MYO5B: variants seen among roughly 807,000 people sequenced by gnomAD.
MYO5B encodes the protein unconventional myosin-Vb.
MYO5B carries 143 observed loss-of-function variants against 229.3 expected under a neutral mutation model. The ratio of observed to expected loss-of-function variants is 0.62; its 90% CI spans 0.54 to 0.72. MYO5B has a LOEUF of 0.72. Ranked by LOEUF, MYO5B falls within the 30% of genes least tolerant of loss-of-function variation. The probability of loss-of-function intolerance (pLI) is 0.00; values close to 1 mark genes in which losing one functional copy is unlikely to be tolerated. For synonymous variants in MYO5B, 918 were observed against 885.2 expected (o/e 1.04, Z -0.66); for missense variants, 2,321 against 2,331.0 (o/e 1.00, Z 0.09).
intron 10 of MYO5B, among the ~76,000 whole-genome samples, chr18:49,963,319 A>T (rs2025582473): frequency 6.6e-6 from 1 of 152,186 alleles, no homozygotes; most frequent in African/African-American, 2.4e-5. Context: ...ATTGACCACC[A>T]GTTATATCTT....
chr18:50,026,753 C>T (rs866443183), intron 4 of MYO5B, among the ~76,000 whole-genome samples: 8 of 152,188 alleles, frequency 5.3e-5, no homozygotes, highest in South Asian at 2.1e-4. Flanking sequence ...ATTCAGCAAA[C>T]CCTCACTCTG....
At chr18:50,160,302 C>T (rs1480886416) in intron 1 of MYO5B, among the ~76,000 whole-genome samples, 1 of 152,202 alleles carries the variant, frequency 6.6e-6, no homozygotes, top group African/African-American at 2.4e-5. Context: ...GGAGCAGACT[C>T]TCTAAGGTCA....
At chr18:50,050,721 C>T (rs2030368745) in intron 2 of MYO5B, among the ~76,000 whole-genome samples, 1 of 152,112 alleles carries the variant, frequency 6.6e-6, no homozygotes. Context: ...ACAACAGTGC[C>T]CAGCTGCCTT....
chr18:49,965,455 T>A (rs867995768), intron 10 of MYO5B, among the ~76,000 whole-genome samples: 1 of 147,098 alleles, frequency 6.8e-6, no homozygotes, highest in African/African-American at 2.5e-5. Context: ...ACACTTCTTT[T>A]CACACACACA....
At chr18:49,969,170 T>C (rs2025660281) in intron 10 of MYO5B, among the ~76,000 whole-genome samples, 1 of 152,198 alleles carries the variant, frequency 6.6e-6, no homozygotes, top group South Asian at 2.1e-4. Context: ...GCTGAGACAC[T>C]GTCACAGGCT....
intron 18 of MYO5B, among the ~76,000 whole-genome samples, chr18:49,911,637 A>G (rs1439800329): frequency 1.3e-5 from 2 of 152,232 alleles, no homozygotes; most frequent in African/African-American, 4.8e-5. Flanking sequence ...GAATAAATGC[A>G]AGTCTGATCA....
At position 50,109,829 on chromosome 18, in the gene MYO5B, C is replaced by T. The variant is rs530728973; in HGVS notation, c.28-54451G>A. Among the ~76,000 whole-genome samples, 197 of 152,270 alleles carry T rather than the reference C, an allele frequency of 1.3e-3. 7 individuals are homozygous for T. The South Asian group carries it at 0.039, about 30-fold the overall frequency. ...TACATACAATGCTCAGTATCCACCG[C>T]CCTCCATACTACAACATAAACACCC... On this transcript the variant is annotated intron_variant, in intron 1 of 39. Coordinates refer to ENST00000285039, the MANE Select transcript of MYO5B (RefSeq NM_001080467.3).
At chr18:49,945,759 G>A (rs563553910) in intron 14 of MYO5B, among the ~76,000 whole-genome samples, 1 of 68,822 alleles carries the variant, frequency 1.5e-5, no homozygotes, top group Non-Finnish European at 3.1e-5. Context: ...AGGAGGGGAG[G>A]AGGAGGAGGA....
intron 4 of MYO5B, among the ~76,000 whole-genome samples, chr18:50,005,632 G>C (rs1393207277): frequency 6.6e-6 from 1 of 152,108 alleles, no homozygotes; most frequent in African/African-American, 2.4e-5. Context: ...GCCCAGGCTG[G>C]TCTTGAACTC....
intron 4 of MYO5B, among the ~76,000 whole-genome samples, chr18:50,031,110 T>G (rs1303218618): frequency 6.6e-6 from 1 of 151,948 alleles, no homozygotes; most frequent in Non-Finnish European, 1.5e-5. Context: ...CAGACAAAAT[T>G]TAGAGAGGCG....
chr18:50,008,153 A>G (rs73442590), intron 4 of MYO5B, among the ~76,000 whole-genome samples: 2,760 of 152,318 alleles, frequency 0.018, 84 homozygotes, highest in African/African-American at 0.062. Context: ...GTGTAAGTTT[A>G]AATATGTATT....
In MYO5B at chr18:50,147,954, A is replaced by G. The variant is rs150201717; in HGVS notation, c.27+46813T>C. Among the ~76,000 whole-genome samples the G allele has an allele frequency of 5.6e-3, 850 of 152,206 alleles. 18 individuals carry two copies. The highest frequency in any genetic ancestry group is 0.053 in the East Asian group (273 of 5,180). On this transcript the variant is annotated intron_variant, in intron 1 of 39. Coordinates refer to ENST00000285039, the MANE Select transcript of MYO5B (RefSeq NM_001080467.3). ...ACCACTAGCAAGACTAATAAAGAAA[A>G]AAAGAGAGAAGAATCAAATAGACAC...
intron 17 of MYO5B, among the ~76,000 whole-genome samples, chr18:49,918,978 G>A (rs549295346): frequency 2.6e-5 from 4 of 152,250 alleles, no homozygotes; most frequent in South Asian, 4.1e-4. Context: ...GTGGACATGC[G>A]GTATGGTGGC....
intron 2 of MYO5B, among the ~76,000 whole-genome samples, chr18:50,052,704 A>AT (rs1555654650): frequency 0.44 from 25,637 of 58,476 alleles, 2,236 homozygotes; most frequent in South Asian, 0.55. Context: ...TTAAAGTATA[A>AT]TAAAAAAAAA....
At chr18:49,887,414 C>T (rs986870726) in intron 22 of MYO5B, among the ~76,000 whole-genome samples, 10 of 151,844 alleles carry the variant, frequency 6.6e-5, no homozygotes, top group South Asian at 2.1e-4. Flanking sequence ...GGGGAAGCAA[C>T]GTTTTCATTG....
At chr18:49,928,898 A>T (rs182561466) in intron 17 of MYO5B, among the ~76,000 whole-genome samples, 61 of 152,340 alleles carry the variant, frequency 4.0e-4, no homozygotes, top group Non-Finnish European at 4.3e-4. Flanking sequence ...ATTCTCACTC[A>T]TAAGTGGGAG....
At chr18:49,936,223 G>T (rs1002912531) in intron 16 of MYO5B, 29 bp downstream of exon 16, 3 of 1,543,872 alleles carry the variant, frequency 1.9e-6, no homozygotes, top group Non-Finnish European at 2.6e-6. Flanking sequence ...AGGCTGGGCT[G>T]GACAGGCTAA....
At chr18:50,037,337 A>G (rs2144384691) in intron 3 of MYO5B, among the ~76,000 whole-genome samples, 1 of 152,302 alleles carries the variant, frequency 6.6e-6, no homozygotes, top group East Asian at 1.9e-4. Flanking sequence ...CTACCAGTAT[A>G]TATTAGAGAG....
intron 26 of MYO5B, among the ~76,000 whole-genome samples, chr18:49,873,808 AG>A (rs1450048652): frequency 6.6e-6 from 1 of 152,196 alleles, no homozygotes; most frequent in African/African-American, 2.4e-5. Context: ...GGCTTGAGAA[AG>A]GGAGGTGGCT....
Sources: allele counts gnomAD v4.1 joint callset (sites outside exome capture counted in the v4.1 genomes callset), GRCh38; gene constraint gnomAD v4.1.1; transcripts MANE v1.5; gene names NCBI Gene and HGNC (gene_info 2026-07-23, HGNC 2026-07-21).